Variants in ZNF746 observed in about 807,000 individuals in gnomAD.
The protein encoded by ZNF746 is zinc finger protein 746, also known as parkin-interacting substrate.
A neutral mutation model predicts 41.0 loss-of-function variants in ZNF746; 13 were observed. The observed-to-expected ratio is 0.32, with a 90% CI of 0.21 to 0.50. ZNF746 has a LOEUF of 0.50. ZNF746 is among the 20% of genes least tolerant of loss of function. ZNF746 has a pLI of 0.98. For missense variants in ZNF746, 811 were observed against 922.9 expected (o/e 0.88, Z 1.57); for synonymous variants, 424 against 396.2 (o/e 1.07, Z -0.83).
intron 4 of ZNF746, chr7:149,489,292 A>G (rs1800725945): frequency 6.6e-6 from 1 of 152,122 alleles, no homozygotes; most frequent in South Asian, 2.1e-4. Context: ...ATTTTGAAAC[A>G]GCATACATTC....
At chr7:149,479,133 T>A (rs1800411063) in intron 4 of ZNF746, among the ~76,000 whole-genome samples, 1 of 143,346 alleles carries the variant, frequency 7.0e-6, no homozygotes, top group Non-Finnish European at 1.5e-5. Context: ...TTGAGAATTT[T>A]CCAAAACTGA....
rs1800198028 is a variant in ZNF746 at position 149,474,217 on chromosome 7, A to G, written c.*167T>C. ...GAATTCTACTTGGTTTAGAGGTGGCAGCTGTCCTGGTGGATAGTTTCTCTT... is the reference window on the plus strand; with the variant it reads ...GAATTCTACTTGGTTTAGAGGTGGCGGCTGTCCTGGTGGATAGTTTCTCTT... On this transcript the variant is annotated 3_prime_UTR_variant, in exon 7 of 7. Coordinates refer to ENST00000458143, the MANE Select transcript of ZNF746 (RefSeq NM_001394198.1). The surrounding 1 kb of genome is among the most constrained non-coding windows in gnomAD (Gnocchi z 6.3). The G allele has an allele frequency of 2.7e-6, 2 of 730,238 alleles. No individual in the cohort carries two copies. Among genetic ancestry groups the G allele is most frequent in the East Asian group, 5.5e-5 (2 of 36,670 alleles). 45.2% of individuals were successfully genotyped at this position (730,238 alleles called of 1,614,324 possible).
At position 149,475,063 on chromosome 7, in the gene ZNF746, C is replaced by A; in HGVS notation, c.1304G>T (p.Arg435Met). The change falls in exon 7 of 7, where the codon AGG (arginine) becomes ATG (methionine). Residue 435 changes from arginine to methionine, a missense_variant. Arg to Met is a moderately conservative substitution (Grantham distance 91). Around this residue, in one of 4 missense-constraint regions of ZNF746, gnomAD observed 495 missense variants for 481.6 expected, o/e 1.03. Coordinates refer to ENST00000458143, the MANE Select transcript of ZNF746 (RefSeq NM_001394198.1). ...EAILDPSQAPRPFNEPCKYPG... is the reference protein window; with the variant it reads ...EAILDPSQAPMPFNEPCKYPG... ...GTATTTACAGGGTTCGTTGAATGGC[C>A]TTGGGGCCTGGCTGGGGTCCAAGAT... 6.3e-7 allele frequency: 1 copy of A among 1,588,854 alleles called. No individual in the cohort carries two copies. The highest frequency in any genetic ancestry group is 2.3e-5 in the East Asian group (1 of 44,148).
intron 4 of ZNF746, chr7:149,491,601 A>G (rs1800810031): frequency 2.0e-5 from 9 of 450,874 alleles, no homozygotes; most frequent in Admixed American, 1.3e-4. Flanking sequence ...ACGACTGGCA[A>G]AGCGGCCAGC....
At chr7:149,487,821 G>A (rs1800674056) in intron 4 of ZNF746, 1 of 152,174 alleles carries the variant, frequency 6.6e-6, no homozygotes, top group Non-Finnish European at 1.5e-5. Context: ...ATGTTGTCAT[G>A]AGAGCAATTC....
At chr7:149,484,272 G>T (rs1264699828) in intron 4 of ZNF746, among the ~76,000 whole-genome samples, 3 of 152,078 alleles carry the variant, frequency 2.0e-5, no homozygotes, top group Non-Finnish European at 4.4e-5. Context: ...TCTCATCCAT[G>T]AACAAAGATT....
rs966483292 is a variant in ZNF746, at chr7:149,474,122, C to CA, written c.*261dup. 67 of 494,812 alleles carry CA rather than the reference C, an allele frequency of 1.4e-4. No homozygotes were observed. Among genetic ancestry groups the CA allele is most frequent in the Non-Finnish European group, 2.2e-4 (62 of 279,202 alleles). The allele number at this position is 494,812 out of a possible 1,614,324, so 30.7% of individuals were successfully genotyped here. A position where few individuals can be genotyped will look rare whatever the true frequency, so the allele number is the denominator to read the frequency against. ...TTTTTCCTCAAGAATTAAAAAAAAA[C>CA]AAAAAACAAAAAACAAAACAGGTTT... On this transcript the variant is annotated 3_prime_UTR_variant, in exon 7 of 7. Coordinates refer to ENST00000458143, the MANE Select transcript of ZNF746 (RefSeq NM_001394198.1). This position sits in a 1 kb window ranked among gnomAD's most constrained non-coding sequence, Gnocchi z 6.3.
At chr7:149,477,427 C>A in intron 5 of ZNF746, 137 bp downstream of exon 5, 1 of 1,057,184 alleles carries the variant, frequency 9.5e-7, no homozygotes, top group Non-Finnish European at 1.4e-6. Flanking sequence ...AGTCCTACCT[C>A]GAGACGGGAA....
rs569840947 is a variant in ZNF746, at chr7:149,480,042, C to T, written c.566-2287G>A. On this transcript the variant is annotated intron_variant, in intron 4 of 6. Transcript: ENST00000458143. ...CAGCTACTCAGGAGGCCCATTGTGG[C>T]CCAAAAACTTCCAGGTCAAGACTGT... 1.3e-3 allele frequency among the ~76,000 whole-genome samples: 200 copies of T among 152,322 alleles called. 1 individual carries two copies. The highest frequency in any genetic ancestry group is 4.5e-3 in the African/African-American group (188 of 41,580).
chr7:149,477,246 A>G (rs1800334917), intron 5 of ZNF746, among the ~76,000 whole-genome samples, 199 bp from the exon 6 acceptor site: 2 of 152,012 alleles, frequency 1.3e-5, no homozygotes, highest in African/African-American at 4.8e-5. Flanking sequence ...CATCATCAGT[A>G]TGTTTCCCAC....
At chr7:149,483,264 C>T (rs187359235) in intron 4 of ZNF746, among the ~76,000 whole-genome samples, 75 of 152,224 alleles carry the variant, frequency 4.9e-4, no homozygotes, top group African/African-American at 1.5e-3. Flanking sequence ...GTATGGGCTA[C>T]AGCTACAATG....
Position 149,497,689 on chromosome 7 carries a change from G to T in ZNF746, c.-153C>A. 2.1e-6 allele frequency: 1 copy of T among 481,518 alleles called. No homozygotes were observed. The highest frequency in any genetic ancestry group is 2.7e-6 in the Non-Finnish European group (1 of 367,704). 29.8% of individuals were successfully genotyped at this position (481,518 alleles called of 1,614,324 possible). On this transcript the variant is annotated 5_prime_UTR_variant, in exon 1 of 7. Coordinates refer to ENST00000458143, the MANE Select transcript of ZNF746 (RefSeq NM_001394198.1). This position sits in a 1 kb window ranked among gnomAD's most constrained non-coding sequence, Gnocchi z 4.2. The stretch of plus-strand genomic sequence containing the variant: ...TCCTCGCTGGCTGCCCCTGCGCCGC[G>T]CCGCCCGCAGTCGCGCCGCCTCCGT...
rs1207314698 is a variant in ZNF746 at position 149,494,970 on chromosome 7, G to A, written c.25-467C>T. The stretch of plus-strand genomic sequence containing the variant: ...CTCCCCTCATGATTACACAGGAACT[G>A]TCTACTGATGATGACCCAGCAAAAA... On this transcript the variant is annotated intron_variant, in intron 1 of 6. Transcript: ENST00000458143. This position sits in a 1 kb window ranked among gnomAD's most constrained non-coding sequence, Gnocchi z 5.6. Among the ~76,000 whole-genome samples the A allele has an allele frequency of 6.6e-5, 10 of 152,040 alleles. No homozygotes were observed. The highest frequency in any genetic ancestry group is 1.2e-4 in the Non-Finnish European group (8 of 68,028).
intron 4 of ZNF746, chr7:149,487,600 T>C (rs1800666645): frequency 1.3e-5 from 2 of 151,986 alleles, no homozygotes; most frequent in African/African-American, 4.8e-5. Context: ...CAAGAGAATA[T>C]AAAGAAACAA....
At position 149,474,940 on chromosome 7, in the gene ZNF746, T is replaced by C. The variant is rs1800238492; in HGVS notation, c.1427A>G (p.Lys476Arg). 6.5e-7 allele frequency: 1 copy of C among 1,544,878 alleles called. No homozygotes were observed. The highest frequency in any genetic ancestry group is 1.4e-5 in the African/African-American group (1 of 72,970). Residue 476 changes from lysine to arginine, a missense_variant, in exon 7 of 7, where the codon AAG (lysine) becomes AGG (arginine). Physicochemically the swap from Lys to Arg is conservative, Grantham distance 26. Coordinates refer to ENST00000458143, the MANE Select transcript of ZNF746 (RefSeq NM_001394198.1). This position sits in a 1 kb window ranked among gnomAD's most constrained non-coding sequence, Gnocchi z 6.3. ...CAGGCTGACTTGCAGCTGGAAGCTC[T>C]TCCCACACGTGGCGCAGGTGAAGGG... ...GRPFTCATCG[K>R]SFQLQVSLSA... is the part of the protein sequence containing the mutation.
At chr7:149,493,213 C>T (rs1370121507) in intron 3 of ZNF746, among the ~76,000 whole-genome samples, 2 of 152,176 alleles carry the variant, frequency 1.3e-5, no homozygotes, top group Non-Finnish European at 2.9e-5. Context: ...GAGGCCAGGG[C>T]TGCTGCTCAA....
rs1801022438 is a variant in ZNF746 at position 149,497,055 on chromosome 7, GA to G, written c.24+457del. 1.0e-6 allele frequency: 1 copy of G among 985,286 alleles called. No individual in the cohort carries two copies. Among genetic ancestry groups the G allele is most frequent in the Non-Finnish European group, 1.2e-6 (1 of 829,936 alleles). 61.0% of individuals were successfully genotyped at this position (985,286 alleles called of 1,614,324 possible). On this transcript the variant is annotated intron_variant, in intron 1 of 6. Transcript: ENST00000458143. The surrounding 1 kb of genome is among the most constrained non-coding windows in gnomAD (Gnocchi z 4.2). ...GTGGCTCTATATTCCCTTCCGCGCC[GA>G]CCCCGGGAAGCTGGGCACGTAGTGG...
At position 149,474,572 on chromosome 7, in the gene ZNF746, T is replaced by G; in HGVS notation, c.1795A>C (p.Lys599Gln). 1 of 1,611,588 alleles carries G rather than the reference T, an allele frequency of 6.2e-7. No individual in the cohort carries two copies. The change falls in exon 7 of 7, where the codon AAG becomes CAG. Residue 599 changes from lysine (K) to glutamine (Q), a missense_variant. By Grantham distance (53) the Lys-to-Gln change is moderately conservative. Coordinates refer to ENST00000458143, the MANE Select transcript of ZNF746 (RefSeq NM_001394198.1). This position sits in a 1 kb window ranked among gnomAD's most constrained non-coding sequence, Gnocchi z 6.3. The stretch of plus-strand genomic sequence containing the variant: ...CCCGCTGCATGGTTGCGCTGGTGCT[T>G]GCGGAGGTGGTCCTTGCGGATGAAG... ...KSFIRKDHLR[K>Q]HQRNHAAGAK...
At chr7:149,493,554 T>A (rs1389819195) in intron 3 of ZNF746, among the ~76,000 whole-genome samples, 17 of 152,240 alleles carry the variant, frequency 1.1e-4, no homozygotes, top group Non-Finnish European at 7.3e-5. Flanking sequence ...AGAAAATGTC[T>A]GCTGCAAGCA....
Sources: gnomAD v4.1 joint callset for allele counts (sites outside exome capture counted in the v4.1 genomes callset) on GRCh38, gnomAD v4.1.1 for gene constraint, gnomAD v4.1.1 regional missense constraint, Gnocchi (gnomAD v3.1) non-coding constraint, MANE v1.5 for transcripts, NCBI Gene and HGNC (gene_info 2026-07-23, HGNC 2026-07-21) for gene names.